The following FBN2 variants were observed in gnomAD, a reference collection of about 807,000 sequenced individuals.
FBN2 encodes the protein fibrillin 2.
In FBN2, 105 loss-of-function variants were observed where a neutral mutation model predicts 355.6. The ratio of observed to expected loss-of-function variants is 0.30; its 90% CI spans 0.25 to 0.35. The LOEUF (loss-of-function observed/expected upper bound fraction) is 0.35, where lower values mean the gene tolerates loss of function less well. Ranked by LOEUF, FBN2 falls within the 10% of genes least tolerant of loss-of-function variation. FBN2 has a pLI of 1.00. For missense variants in FBN2, 3,280 were observed against 3,758.7 expected, an observed-to-expected ratio of 0.87 and a Z score of 3.33; for synonymous variants, 1,350 against 1,301.2, an observed-to-expected ratio of 1.04 and a Z score of -0.81.
chr5:128,291,440 G>A, intron 49 of FBN2, 89 bp downstream of exon 49: 1 of 1,442,386 alleles, frequency 6.9e-7, no homozygotes, highest in Middle Eastern at 1.8e-4. Context: ...CATGTATTTT[G>A]TTAGGACTAA....
chr5:128,288,955 C>T (rs1420889318), intron 52 of FBN2, among the ~76,000 whole-genome samples, 172 bp downstream of exon 52: 1 of 152,196 alleles, frequency 6.6e-6, no homozygotes, highest in Non-Finnish European at 1.5e-5. Context: ...TCCATCTTCA[C>T]ATAAATCAGG....
intron 5 of FBN2, among the ~76,000 whole-genome samples, chr5:128,468,551 A>G (rs1439245229): frequency 1.3e-5 from 2 of 152,232 alleles, no homozygotes; most frequent in Admixed American, 6.5e-5. Context: ...ATTATTTTCC[A>G]GAATAGGTTC....
At chr5:128,535,119 G>A (rs1042270034) in intron 2 of FBN2, among the ~76,000 whole-genome samples, 4 of 152,134 alleles carry the variant, frequency 2.6e-5, no homozygotes, top group Admixed American at 2.0e-4. Context: ...AAAAAATAAA[G>A]CAAAGGCTTA....
chr5:128,417,028 C>T (rs1032108498), intron 7 of FBN2, among the ~76,000 whole-genome samples: 3 of 152,168 alleles, frequency 2.0e-5, no homozygotes, highest in Admixed American at 6.5e-5. Flanking sequence ...CAATTTCTTT[C>T]GTAAGTGTTT....
rs1364431766 is a variant in FBN2 at position 128,307,267 on chromosome 5, G to T, written c.5354-64C>A. On this transcript the variant is annotated intron_variant, in intron 41 of 64. Transcript: ENST00000262464. ...TCAAATTCCTTCAAAATAACATTTTGTATTACTTTCACAAACAAATATATT... is the reference window on the plus strand; with the variant it reads ...TCAAATTCCTTCAAAATAACATTTTTTATTACTTTCACAAACAAATATATT... 5.4e-6 allele frequency: 5 copies of T among 922,944 alleles called. No homozygotes were observed. The East Asian group carries it at 1.2e-4, about 22-fold the overall frequency. The allele number at this position is 922,944 out of a possible 1,614,324, so 57.2% of individuals were successfully genotyped here.
At chr5:128,275,492 A>T (rs1765371023) in intron 59 of FBN2, among the ~76,000 whole-genome samples, 1 of 151,826 alleles carries the variant, frequency 6.6e-6, no homozygotes, top group Non-Finnish European at 1.5e-5. Flanking sequence ...TTTTACTGAG[A>T]ATAATCTACA....
At chr5:128,391,901 T>C in intron 11 of FBN2, 117 bp downstream of exon 11, 3 of 905,854 alleles carry the variant, frequency 3.3e-6, no homozygotes, top group South Asian at 1.4e-5. Flanking sequence ...AAGAGACAGT[T>C]TGGAAATTAG....
chr5:128,298,688 C>G (rs1181582387), intron 48 of FBN2, among the ~76,000 whole-genome samples: 3 of 152,218 alleles, frequency 2.0e-5, no homozygotes, highest in African/African-American at 4.8e-5. Context: ...TCAGCTCCAT[C>G]AGCTCCTTTA....
rs142323824 is a variant in FBN2, at chr5:128,338,115, G to T, written c.3480C>A (p.Asp1160Glu). 8.7e-6 allele frequency: 14 copies of T among 1,613,772 alleles called. No individual in the cohort carries two copies. In the Admixed American group the frequency reaches 1.8e-4, roughly 21 times the overall value. ...AAAGGAGAGGGTTACGTTCACATTC[G>T]TCAATGTCTGAAAGGTAAAAACGTG... ...FMMMKNCMDI[D>E]ECERNPLLCR... Residue 1160 changes from aspartate (D) to glutamate (E), a missense_variant, in exon 27 of 65, where the codon GAC becomes GAA. Physicochemically the swap from Asp to Glu is conservative, Grantham distance 45. Around this residue, in one of 6 missense-constraint regions of FBN2, gnomAD observed 2,284 missense variants for 2,749.5 expected, o/e 0.83. Coordinates refer to ENST00000262464, the MANE Select transcript of FBN2 (RefSeq NM_001999.4).
intron 34 of FBN2, 134 bp downstream of exon 34, chr5:128,328,562 T>G (rs922617028): frequency 3.1e-6 from 3 of 962,812 alleles, no homozygotes; most frequent in Non-Finnish European, 3.2e-6. Flanking sequence ...AATCCACGCT[T>G]AAACGAATGA....
At chr5:128,349,765 G>C (rs56335920) in intron 22 of FBN2, among the ~76,000 whole-genome samples, 190 bp downstream of exon 22, 2 of 152,174 alleles carry the variant, frequency 1.3e-5, no homozygotes, top group East Asian at 3.8e-4. Context: ...TCCATAAAGA[G>C]GAGAAACGGG....
At chr5:128,392,188 C>G (rs780944641) in intron 10 of FBN2, 33 bp from the exon 11 acceptor site, 1 of 1,585,918 alleles carries the variant, frequency 6.3e-7, no homozygotes, top group South Asian at 1.1e-5. Context: ...TATATTTAAT[C>G]ATTACAACAT....
chr5:128,327,085 AT>A (rs1278557605), intron 34 of FBN2, among the ~76,000 whole-genome samples: 1 of 152,108 alleles, frequency 6.6e-6, no homozygotes, highest in Non-Finnish European at 1.5e-5. Context: ...ATTGATTCAC[AT>A]TTTCTACTAA....
At chr5:128,367,185 C>T (rs984338516) in intron 16 of FBN2, among the ~76,000 whole-genome samples, 3 of 152,208 alleles carry the variant, frequency 2.0e-5, no homozygotes, top group African/African-American at 4.8e-5. Context: ...AAAGTTTATG[C>T]CCCTTTTAAG....
At chr5:128,532,626 G>C (rs911423469) in intron 2 of FBN2, among the ~76,000 whole-genome samples, 4 of 152,204 alleles carry the variant, frequency 2.6e-5, no homozygotes, top group African/African-American at 9.6e-5. Flanking sequence ...CTTTCAAAGA[G>C]ATTTGGGACC....
At chr5:128,392,334 G>A (rs1752538348) in intron 10 of FBN2, among the ~76,000 whole-genome samples, 179 bp from the exon 11 acceptor site, 1 of 152,148 alleles carries the variant, frequency 6.6e-6, no homozygotes, top group Admixed American at 6.5e-5. Context: ...ACACATGGTT[G>A]CAACTTGTAT....
chr5:128,375,976 C>T (rs1228075945), intron 14 of FBN2, among the ~76,000 whole-genome samples: 1 of 152,112 alleles, frequency 6.6e-6, no homozygotes, highest in African/African-American at 2.4e-5. Context: ...GTCAAGGGTG[C>T]AGTGAGCTGA....
At position 128,345,341 on chromosome 5, in the gene FBN2, G is replaced by A. The variant is rs1751145567; in HGVS notation, c.3217+16C>T. ...GTTGGTGAAGAAGGACCAAGGCGCT[G>A]GCCGCAGGCAGTTACCTTTGTAAAA... On this transcript the variant is annotated intron_variant, in intron 24 of 64. Transcript: ENST00000262464. 2.5e-6 allele frequency: 4 copies of A among 1,604,440 alleles called. No individual in the cohort carries two copies. Among genetic ancestry groups the A allele is most frequent in the South Asian group, 1.1e-5 (1 of 90,896 alleles).
chr5:128,463,024 T>G (rs566263664), intron 6 of FBN2, among the ~76,000 whole-genome samples: 1 of 152,202 alleles, frequency 6.6e-6, no homozygotes, highest in East Asian at 1.9e-4. Context: ...AGAAATGAAG[T>G]TAGTATGTTA....
Sources: allele counts gnomAD v4.1 joint callset (sites outside exome capture counted in the v4.1 genomes callset), GRCh38; gene constraint gnomAD v4.1.1; regional missense constraint gnomAD v4.1.1; transcripts MANE v1.5; gene names NCBI Gene and HGNC (gene_info 2026-07-23, HGNC 2026-07-21).